The following SLCO3A1 variants were observed in gnomAD, a reference collection of about 807,000 sequenced individuals.
SLCO3A1 encodes the protein solute carrier organic anion transporter family member 3A1.
Under a neutral mutation model 63.1 loss-of-function variants are expected in SLCO3A1, and 27 were observed. The ratio of observed to expected loss-of-function variants is 0.43; its 90% CI spans 0.32 to 0.59. The LOEUF (loss-of-function observed/expected upper bound fraction) is 0.59. SLCO3A1 is among the 20% of genes least tolerant of loss of function. The pLI is 0.09. For synonymous variants in SLCO3A1, 473 were observed against 409.9 expected (o/e 1.15, Z -1.86); for missense variants, 773 against 945.8 (o/e 0.82, Z 2.40).
intron 4 of SLCO3A1, among the ~76,000 whole-genome samples, chr15:92,116,773 A>G (rs2047800381): frequency 6.6e-6 from 1 of 152,200 alleles, no homozygotes; most frequent in Admixed American, 6.5e-5. Flanking sequence ...AAAAGCAATC[A>G]TCTTTTGAGG....
intron 9 of SLCO3A1, among the ~76,000 whole-genome samples, chr15:92,158,126 A>G (rs1208170963): frequency 1.3e-5 from 2 of 152,168 alleles, no homozygotes; most frequent in African/African-American, 4.8e-5. Context: ...CGAAATACTG[A>G]GTTTGTTTAC....
intron 8 of SLCO3A1, chr15:92,149,598 C>A (rs1203632423): frequency 1.3e-5 from 2 of 152,232 alleles, no homozygotes; most frequent in Non-Finnish European, 2.9e-5. Context: ...CCAGCTAGTA[C>A]CTTTAGAACT....
At chr15:92,158,508 C>T (rs144012840) in intron 9 of SLCO3A1, among the ~76,000 whole-genome samples, 4 of 152,260 alleles carry the variant, frequency 2.6e-5, no homozygotes, top group African/African-American at 9.6e-5. Flanking sequence ...GGATGTGGAG[C>T]ACTCTATACA....
chr15:92,071,237 A>G (rs1790941959), intron 2 of SLCO3A1, among the ~76,000 whole-genome samples: 1 of 152,158 alleles, frequency 6.6e-6, no homozygotes, highest in Admixed American at 6.5e-5. Flanking sequence ...TGCTGCATGC[A>G]TGCGAGGCCG....
intron 2 of SLCO3A1, among the ~76,000 whole-genome samples, chr15:91,996,792 G>C (rs1441683777): frequency 6.6e-6 from 1 of 151,966 alleles, no homozygotes; most frequent in Non-Finnish European, 1.5e-5. Flanking sequence ...AAATGAAAGG[G>C]ACAAAAAGAA....
intron 2 of SLCO3A1, among the ~76,000 whole-genome samples, chr15:92,003,193 T>C (rs2046275323): frequency 6.6e-6 from 1 of 152,222 alleles, no homozygotes; most frequent in Non-Finnish European, 1.5e-5. Context: ...TTTATTGCTA[T>C]ATCTCTCTAG....
At chr15:91,987,104 G>C (rs1043043756) in intron 2 of SLCO3A1, among the ~76,000 whole-genome samples, 5 of 152,138 alleles carry the variant, frequency 3.3e-5, no homozygotes, top group Non-Finnish European at 7.3e-5. Context: ...ATCGCTTACA[G>C]ATTTGACATT....
chr15:92,042,218 C>T (rs1169101619), intron 2 of SLCO3A1, among the ~76,000 whole-genome samples: 1 of 152,166 alleles, frequency 6.6e-6, no homozygotes, highest in African/African-American at 2.4e-5. Flanking sequence ...CTTTTTACTG[C>T]TACCATTTAA....
intron 7 of SLCO3A1, among the ~76,000 whole-genome samples, chr15:92,134,490 T>TA (rs1417433789): frequency 6.6e-6 from 1 of 152,226 alleles, no homozygotes; most frequent in Non-Finnish European, 1.5e-5. Context: ...AAGCAACACC[T>TA]AACCTTACCT....
At chr15:91,880,110 C>T (rs1308942429) in intron 1 of SLCO3A1, among the ~76,000 whole-genome samples, 4 of 76,612 alleles carry the variant, frequency 5.2e-5, no homozygotes, top group Admixed American at 4.9e-4. Flanking sequence ...TCCGTCCGTC[C>T]GTCCGTCCGT....
chr15:92,164,829 T>A lies in SLCO3A1; in HGVS notation c.*1694T>A, dbSNP rs2048479818. The A allele has an allele frequency of 2.0e-6, 2 of 985,420 alleles. No homozygotes were observed. Among genetic ancestry groups the A allele is most frequent in the South Asian group, 9.4e-5 (2 of 21,282 alleles). The allele number at this position is 985,420 out of a possible 1,614,324, so 61.0% of individuals were successfully genotyped here. ...CAGCACACTAGGCCTTCTACGGCCA[T>A]TTCTGTAAGGGGACAGAGCTTAGGT... On this transcript the variant is annotated 3_prime_UTR_variant, in exon 10 of 10. Coordinates refer to ENST00000318445, the MANE Select transcript of SLCO3A1 (RefSeq NM_013272.4).
intron 1 of SLCO3A1, among the ~76,000 whole-genome samples, chr15:91,884,717 G>A (rs1897680340): frequency 6.6e-6 from 1 of 151,974 alleles, no homozygotes; most frequent in Admixed American, 6.6e-5. Context: ...GGAAAGCTTT[G>A]ATAATTATAT....
intron 1 of SLCO3A1, among the ~76,000 whole-genome samples, chr15:91,866,345 C>T (rs1897163365): frequency 6.6e-6 from 1 of 152,134 alleles, no homozygotes; most frequent in Admixed American, 6.5e-5. Flanking sequence ...GGAATCAGGG[C>T]TGGTAAAATC....
chr15:92,152,267 T>G (rs1269922468), intron 9 of SLCO3A1, among the ~76,000 whole-genome samples: 1 of 152,254 alleles, frequency 6.6e-6, no homozygotes, highest in Non-Finnish European at 1.5e-5. Context: ...CCCTGGGGAA[T>G]GGCAAATACA....
intron 1 of SLCO3A1, among the ~76,000 whole-genome samples, chr15:91,909,839 A>G (rs1220955745): frequency 2.6e-5 from 4 of 152,174 alleles, no homozygotes; most frequent in South Asian, 2.1e-4. Context: ...CTGGATCTCT[A>G]AGGTGGCTCT....
At chr15:92,121,745 T>G (rs2047865370) in intron 5 of SLCO3A1, among the ~76,000 whole-genome samples, 2 of 152,106 alleles carry the variant, frequency 1.3e-5, no homozygotes, top group Non-Finnish European at 2.9e-5. Flanking sequence ...GCAGAGAAAT[T>G]TAAGCAACAG....
intron 1 of SLCO3A1, among the ~76,000 whole-genome samples, chr15:91,902,627 G>A (rs919643066): frequency 6.6e-6 from 1 of 152,058 alleles, no homozygotes; most frequent in African/African-American, 2.4e-5. Context: ...AAATGAATTA[G>A]TGCTCCTCAG....
intron 2 of SLCO3A1, among the ~76,000 whole-genome samples, chr15:91,994,598 T>G (rs1295051964): frequency 2.0e-5 from 3 of 148,904 alleles, no homozygotes; most frequent in African/African-American, 7.4e-5. Context: ...CAGGGTTAAG[T>G]TAAGAGAAGA....
At chr15:92,132,178 G>A (rs906348368) in intron 7 of SLCO3A1, among the ~76,000 whole-genome samples, 17 of 145,406 alleles carry the variant, frequency 1.2e-4, no homozygotes, top group African/African-American at 4.0e-4. Context: ...ATCCTTGCTC[G>A]CCACTCACCA....
Sources: allele counts gnomAD v4.1 joint callset (sites outside exome capture counted in the v4.1 genomes callset), GRCh38; gene constraint gnomAD v4.1.1; transcripts MANE v1.5; gene names NCBI Gene and HGNC (gene_info 2026-07-23, HGNC 2026-07-21).